The following PARN variants were observed in gnomAD, a reference collection of about 807,000 sequenced individuals.
The protein encoded by PARN is poly(A)-specific ribonuclease PARN.
In PARN, 71 loss-of-function variants were observed where a neutral mutation model predicts 102.8. The ratio of observed to expected loss-of-function variants is 0.69; its 90% CI spans 0.57 to 0.84. The LOEUF is 0.84. Among genes scored for constraint, PARN ranks in the 40% least tolerant of loss-of-function variants. The pLI is 0.00. For synonymous variants in PARN, 261 were observed against 252.9 expected, an observed-to-expected ratio of 1.03 and a Z score of -0.30; for missense variants, 782 against 760.9, an observed-to-expected ratio of 1.03 and a Z score of -0.33.
chr16:14,604,205 T>C lies in PARN; in HGVS notation c.724A>G (p.Ser242Gly), dbSNP rs2151787480. The change falls in exon 11 of 24, where the codon AGC becomes GGC. Residue 242 changes from serine to glycine, a missense_variant. Coordinates refer to ENST00000437198, the MANE Select transcript of PARN (RefSeq NM_002582.4). ...TTGCGTTCTTCTTCATCTACTTTGC[T>C]GATAACTATATATCGCTCCTTCTAA... The part of the protein sequence containing the change: ...TEKKERYIVI[S>G]KVDEEERKRR... 6.3e-7 allele frequency: 1 copy of C among 1,595,456 alleles called. No individual in the cohort carries two copies. The highest frequency in any genetic ancestry group is 8.6e-7 in the Non-Finnish European group (1 of 1,167,870).
intron 21 of PARN, among the ~76,000 whole-genome samples, chr16:14,493,506 G>A (rs888598958): frequency 1.5e-4 from 23 of 152,316 alleles, no homozygotes; most frequent in African/African-American, 5.3e-4. Context: ...ATGAACCACT[G>A]TGCCCAGCCA....
chr16:14,435,811 G>A lies in PARN; in HGVS notation c.*906C>T, dbSNP rs906443554. 1 of 151,820 alleles carries A rather than the reference G, an allele frequency of 6.6e-6. No homozygotes were observed. The highest frequency in any genetic ancestry group is 1.5e-5 in the Non-Finnish European group (1 of 67,994). The allele number at this position is 151,820 out of a possible 1,614,324, so 9.4% of individuals were successfully genotyped here. On this transcript the variant is annotated 3_prime_UTR_variant, in exon 24 of 24. Coordinates refer to ENST00000437198, the MANE Select transcript of PARN (RefSeq NM_002582.4). ...CAATGATCTATCTGAAGCGGGTGGA[G>A]CAAAGCAGCGCCATGAGCGTTTGTC...
At chr16:14,599,457 T>C (rs996779843) in intron 12 of PARN, among the ~76,000 whole-genome samples, 16 of 152,204 alleles carry the variant, frequency 1.1e-4, no homozygotes, top group African/African-American at 3.9e-4. Context: ...TATCAAATAT[T>C]ATTAAGAATA....
intron 22 of PARN, among the ~76,000 whole-genome samples, chr16:14,460,651 T>C (rs931281488): frequency 6.6e-5 from 10 of 152,108 alleles, no homozygotes; most frequent in South Asian, 2.1e-4. Flanking sequence ...CAAACAAACA[T>C]ACAAAAGGTA....
chr16:14,438,680 T>C (rs888475854), intron 23 of PARN, among the ~76,000 whole-genome samples: 1 of 152,238 alleles, frequency 6.6e-6, no homozygotes, highest in African/African-American at 2.4e-5. Context: ...GGTAAGTTTT[T>C]AATGAACGCT....
At position 14,495,355 on chromosome 16, in the gene PARN, G is replaced by A. The variant is rs192375051; in HGVS notation, c.1481-12528C>T. 2.2e-3 allele frequency among the ~76,000 whole-genome samples: 340 copies of A among 152,186 alleles called. 3 individuals carry two copies. Among genetic ancestry groups the A allele is most frequent in the Non-Finnish European group, 3.0e-3 (204 of 68,008 alleles). ...AAAAATTAGCTAGGCATGGTGGTGC[G>A]CACCTGTAGTCCCAGCTACTCAGGA... is the stretch of plus-strand genomic sequence containing the variant. On this transcript the variant is annotated intron_variant, in intron 21 of 23. Transcript: ENST00000437198.
chr16:14,462,495 C>G (rs1962046220), intron 22 of PARN, among the ~76,000 whole-genome samples: 2 of 152,092 alleles, frequency 1.3e-5, no homozygotes, highest in South Asian at 2.1e-4. Context: ...ATAAAAGACA[C>G]AAGTCACAAA....
At chr16:14,536,384 C>A (rs1422543808) in intron 21 of PARN, among the ~76,000 whole-genome samples, 3 of 151,958 alleles carry the variant, frequency 2.0e-5, no homozygotes, top group Non-Finnish European at 2.9e-5. Flanking sequence ...ACATTAAAAG[C>A]CTCAGAAATA....
chr16:14,574,661 C>T lies in PARN; in HGVS notation c.1262+6213G>A, dbSNP rs533072103. Among the ~76,000 whole-genome samples, 9 of 151,990 alleles carry T rather than the reference C, an allele frequency of 5.9e-5. No homozygotes were observed. In the South Asian group the frequency reaches 1.5e-3, roughly 25 times the overall value. On this transcript the variant is annotated intron_variant, in intron 18 of 23. Transcript: ENST00000437198. ...CCATGAGGCAGAGGTTGCAGTGAGCCGAGATTGTGCCACTGCACTCCAGCC... is the reference window on the plus strand; with the variant it reads ...CCATGAGGCAGAGGTTGCAGTGAGCTGAGATTGTGCCACTGCACTCCAGCC...
chr16:14,575,253 A>G (rs951732164), intron 18 of PARN, among the ~76,000 whole-genome samples: 5 of 152,222 alleles, frequency 3.3e-5, no homozygotes, highest in African/African-American at 1.2e-4. Flanking sequence ...TCCTTCAGAC[A>G]GCAGAATGGC....
chr16:14,444,983 A>G (rs916659253), intron 23 of PARN, among the ~76,000 whole-genome samples: 1 of 117,972 alleles, frequency 8.5e-6, no homozygotes, highest in Non-Finnish European at 1.7e-5. Context: ...TAATATTTAA[A>G]TTTTTTTTTT....
intron 22 of PARN, among the ~76,000 whole-genome samples, chr16:14,469,494 T>C (rs1288381517): frequency 1.3e-5 from 2 of 152,226 alleles, no homozygotes; most frequent in Non-Finnish European, 2.9e-5. Context: ...AAATCTTTGC[T>C]TCAGAGATTC....
Position 14,574,775 on chromosome 16 carries a change from G to A in PARN, c.1262+6099C>T, listed in dbSNP as rs1018924903. On this transcript the variant is annotated intron_variant, in intron 18 of 23. Coordinates refer to ENST00000437198, the MANE Select transcript of PARN (RefSeq NM_002582.4). ...AATTAAGCTGGCTGCAGAAATTTGC[G>A]TAAGTAATGAGGAGCCAAAGACAAT... 1.1e-4 allele frequency among the ~76,000 whole-genome samples: 16 copies of A among 152,264 alleles called. No homozygotes were observed. The South Asian group carries it at 2.3e-3, about 22-fold the overall frequency.
chr16:14,520,685 G>C (rs1213359759), intron 21 of PARN, among the ~76,000 whole-genome samples: 2 of 150,014 alleles, frequency 1.3e-5, no homozygotes, highest in Non-Finnish European at 3.0e-5. Flanking sequence ...GGTGATGGGA[G>C]TGAAACCCTG....
At chr16:14,443,148 C>T (rs1596424378) in intron 23 of PARN, among the ~76,000 whole-genome samples, 1 of 152,282 alleles carries the variant, frequency 6.6e-6, no homozygotes, top group East Asian at 1.9e-4. Flanking sequence ...AAAGGATGTT[C>T]CTAGCACTCT....
At chr16:14,493,055 T>C (rs1173778726) in intron 21 of PARN, among the ~76,000 whole-genome samples, 3 of 152,260 alleles carry the variant, frequency 2.0e-5, no homozygotes, top group South Asian at 2.1e-4. Context: ...AGACATTCCA[T>C]TGCTCTGCAT....
intron 11 of PARN, among the ~76,000 whole-genome samples, chr16:14,601,420 G>A (rs1477093159): frequency 6.6e-6 from 1 of 152,048 alleles, no homozygotes; most frequent in African/African-American, 2.4e-5. Flanking sequence ...ACAGTAAGTA[G>A]AATAGTGGTT....
rs938277984 is a variant in PARN, at chr16:14,437,502, T to C, written c.1865-730A>G. ...CTTCAGTGACAAAGTTTCACCCCAA[T>C]GTCAGAAGCCCTTCTTTTTTATTCA... On this transcript the variant is annotated intron_variant, in intron 23 of 23. Coordinates refer to ENST00000437198, the MANE Select transcript of PARN (RefSeq NM_002582.4). Among the ~76,000 whole-genome samples the C allele has an allele frequency of 5.9e-5, 9 of 152,344 alleles. No homozygotes were observed. In the South Asian group the frequency reaches 6.2e-4, roughly 11 times the overall value.
intron 18 of PARN, among the ~76,000 whole-genome samples, chr16:14,574,326 C>T (rs1968984556): frequency 6.6e-6 from 1 of 152,138 alleles, no homozygotes; most frequent in African/African-American, 2.4e-5. Context: ...GCAAAGCATT[C>T]AAGAGGTGAC....
Sources: gnomAD v4.1 joint callset for allele counts (sites outside exome capture counted in the v4.1 genomes callset) on GRCh38, gnomAD v4.1.1 for gene constraint, MANE v1.5 for transcripts, NCBI Gene and HGNC (gene_info 2026-07-23, HGNC 2026-07-21) for gene names.